Variants in EEFSEC observed in about 807,000 individuals in gnomAD.
The protein encoded by EEFSEC is eukaryotic elongation factor, selenocysteine-tRNA specific, also known as selenocysteine-specific elongation factor.
Under a neutral mutation model 42.1 loss-of-function variants are expected in EEFSEC, and 43 were observed. That is an observed-to-expected ratio of 1.02 (90% CI 0.80 to 1.32). EEFSEC has a LOEUF of 1.32. Among genes scored for constraint, EEFSEC ranks in the 40% most tolerant of loss-of-function variants. The pLI, the probability that EEFSEC is intolerant of heterozygous loss-of-function variation, is 0.00. For missense variants in EEFSEC, 745 were observed against 803.6 expected (o/e 0.93, Z 0.88); for synonymous variants, 354 against 339.1 (o/e 1.04, Z -0.48).
At chr3:128,361,043 T>C (rs1177191214) in intron 6 of EEFSEC, among the ~76,000 whole-genome samples, 1 of 152,058 alleles carries the variant, frequency 6.6e-6, no homozygotes, top group African/African-American at 2.4e-5. Flanking sequence ...AGCCTGGACA[T>C]GCAGGGTGGG....
chr3:128,368,941 A>G (rs2067622346), intron 6 of EEFSEC, among the ~76,000 whole-genome samples: 1 of 152,082 alleles, frequency 6.6e-6, no homozygotes, highest in African/African-American at 2.4e-5. Context: ...ACCACTTCCA[A>G]TTTTTCAAGA....
chr3:128,417,760 CTG>C, the EEFSEC span, among the ~76,000 whole-genome samples: 1 of 152,254 alleles, frequency 6.6e-6, no homozygotes, highest in East Asian at 1.9e-4. This position sits in a 1 kb window ranked among gnomAD's most constrained non-coding sequence, Gnocchi z 4.3. Context: ...ATTGCCGTAA[CTG>C]TTACTGGCCA....
At chr3:128,380,202 C>T (rs1002447898) in intron 6 of EEFSEC, among the ~76,000 whole-genome samples, 8 of 152,198 alleles carry the variant, frequency 5.3e-5, no homozygotes, top group Admixed American at 3.3e-4. Context: ...GCCGAGGCCC[C>T]GAGAGCCTCA....
At chr3:128,254,277 G>A (rs2066219237) in intron 2 of EEFSEC, among the ~76,000 whole-genome samples, 1 of 152,232 alleles carries the variant, frequency 6.6e-6, no homozygotes, top group Admixed American at 6.5e-5. Flanking sequence ...CTAAGCAGGG[G>A]TGAGGTTCAA....
At chr3:128,213,694 C>T (rs999014318) in intron 1 of EEFSEC, among the ~76,000 whole-genome samples, 9 of 151,854 alleles carry the variant, frequency 5.9e-5, no homozygotes, top group African/African-American at 2.2e-4. Flanking sequence ...TGGACAGGCA[C>T]ATTAAGTTTT....
chr3:128,244,957 C>T (rs2066112134), intron 1 of EEFSEC, among the ~76,000 whole-genome samples: 1 of 152,162 alleles, frequency 6.6e-6, no homozygotes. Context: ...GCATTATATT[C>T]TTATTTTCAA....
chr3:128,255,584 G>A (rs1319703746), intron 2 of EEFSEC, among the ~76,000 whole-genome samples: 2 of 152,210 alleles, frequency 1.3e-5, no homozygotes, highest in South Asian at 2.1e-4. Context: ...GGAGACTGGC[G>A]CAGAGGAAGT....
At chr3:128,310,987 T>G (rs1205467186) in intron 4 of EEFSEC, among the ~76,000 whole-genome samples, 1 of 152,248 alleles carries the variant, frequency 6.6e-6, no homozygotes, top group Non-Finnish European at 1.5e-5. Context: ...TTGATAAAAC[T>G]GTTTGGTTTT....
At chr3:128,301,158 G>A (rs1261659738) in intron 4 of EEFSEC, among the ~76,000 whole-genome samples, 1 of 152,146 alleles carries the variant, frequency 6.6e-6, no homozygotes, top group East Asian at 1.9e-4. Flanking sequence ...GTCCTGGGGG[G>A]GTCATGCTTT....
intron 5 of EEFSEC, among the ~76,000 whole-genome samples, chr3:128,354,232 T>A (rs1332717636): frequency 6.6e-6 from 1 of 152,072 alleles, no homozygotes; most frequent in Non-Finnish European, 1.5e-5. Context: ...ACACAGAAGT[T>A]CGCAGGAGAG....
intron 1 of EEFSEC, among the ~76,000 whole-genome samples, chr3:128,182,490 G>A (rs184637459): frequency 3.9e-5 from 6 of 152,238 alleles, no homozygotes; most frequent in African/African-American, 1.4e-4. Flanking sequence ...TACACTCCCC[G>A]CACTGCCAAC....
intron 6 of EEFSEC, among the ~76,000 whole-genome samples, chr3:128,379,764 G>T (rs940135457): frequency 2.0e-5 from 3 of 152,246 alleles, no homozygotes; most frequent in African/African-American, 4.8e-5. Flanking sequence ...TTCCAAGAAG[G>T]AGTGTCTTCG....
the EEFSEC span, among the ~76,000 whole-genome samples, chr3:128,420,210 G>A: frequency 6.6e-6 from 1 of 152,218 alleles, no homozygotes; most frequent in African/African-American, 2.4e-5. Context: ...GCGTGGCTCC[G>A]CCTGCTTGGA....
intron 3 of EEFSEC, among the ~76,000 whole-genome samples, chr3:128,262,642 G>T (rs2066310526): frequency 1.3e-5 from 2 of 152,206 alleles, no homozygotes; most frequent in Admixed American, 1.3e-4. Context: ...GTGAGGCAGG[G>T]GTGAAAGACA....
At chr3:128,249,214 A>G (rs1260306580) in intron 2 of EEFSEC, among the ~76,000 whole-genome samples, 1 of 152,272 alleles carries the variant, frequency 6.6e-6, no homozygotes, top group African/African-American at 2.4e-5. Context: ...AAAAGTGTTC[A>G]AAACATTAAA....
chr3:128,170,359 C>T (rs374439076), intron 1 of EEFSEC, among the ~76,000 whole-genome samples: 24 of 152,198 alleles, frequency 1.6e-4, no homozygotes, highest in East Asian at 3.9e-4. Context: ...AGCAGGAGTT[C>T]GAGACCAGCC....
chr3:128,293,067 T>G (rs968615594), intron 4 of EEFSEC, among the ~76,000 whole-genome samples: 4 of 152,256 alleles, frequency 2.6e-5, no homozygotes, highest in Admixed American at 1.3e-4. Flanking sequence ...TCTTCTTACT[T>G]TGCAAATGTT....
chr3:128,341,831 G>A lies in EEFSEC; in HGVS notation c.1385G>A (p.Ser462Asn), dbSNP rs1021470602. Reference protein sequence around the residue: ...HGLEDRNYADSFLPRLKVYKL... With the variant: ...HGLEDRNYADNFLPRLKVYKL... ...CTAGAGGACAGGAACTACGCCGACA[G>A]CTTCCTGCCCAGGCTGAAGGTGTAC... Residue 462 changes from serine (S) to asparagine (N), a missense_variant, in exon 5 of 7, where the codon AGC (serine) becomes AAC (asparagine). Coordinates refer to ENST00000254730, the MANE Select transcript of EEFSEC (RefSeq NM_021937.5). 1 of 1,614,000 alleles carries A rather than the reference G, an allele frequency of 6.2e-7. No individual in the cohort carries two copies. The highest frequency in any genetic ancestry group is 8.5e-7 in the Non-Finnish European group (1 of 1,180,042).
intron 1 of EEFSEC, among the ~76,000 whole-genome samples, chr3:128,160,740 T>C (rs888223249): frequency 1.1e-4 from 17 of 152,178 alleles, no homozygotes; most frequent in Non-Finnish European, 2.9e-5. Context: ...TGATGATATC[T>C]CTGAAGTTTA....
Sources: gnomAD v4.1 joint callset for allele counts (sites outside exome capture counted in the v4.1 genomes callset) on GRCh38, gnomAD v4.1.1 for gene constraint, Gnocchi (gnomAD v3.1) non-coding constraint, MANE v1.5 for transcripts, NCBI Gene and HGNC (gene_info 2026-07-23, HGNC 2026-07-21) for gene names.